Variants in NAPA observed in about 807,000 individuals in gnomAD.
NAPA encodes alpha-soluble NSF attachment protein.
Under a neutral mutation model 48.0 loss-of-function variants are expected in NAPA, and 18 were observed. The ratio of observed to expected loss-of-function variants is 0.38; its 90% CI spans 0.26 to 0.56. The LOEUF is 0.56. NAPA is among the 20% of genes least tolerant of loss of function. NAPA has a pLI of 0.77. For missense variants in NAPA, 315 were observed against 385.0 expected (o/e 0.82, Z 1.52); for synonymous variants, 152 against 149.9 (o/e 1.01, Z -0.10).
intron 3 of NAPA, chr19:47,496,118 C>T (rs2122742737): frequency 6.2e-6 from 1 of 161,242 alleles, no homozygotes; most frequent in South Asian, 1.8e-4. Context: ...GCAGCTTCTG[C>T]TCCTGCACCA....
intron 4 of NAPA, among the ~76,000 whole-genome samples, chr19:47,494,861 C>T (rs1406003478): frequency 4.6e-5 from 7 of 152,044 alleles, no homozygotes; most frequent in South Asian, 2.1e-4. Context: ...TCGTTGGCAA[C>T]GCGCCCTGGG....
At chr19:47,500,581 G>A in intron 3 of NAPA, 52 bp downstream of exon 3, 3 of 1,469,022 alleles carry the variant, frequency 2.0e-6, no homozygotes, top group Non-Finnish European at 2.8e-6. Context: ...AATGCAGGGT[G>A]CTAGGATGGC....
At chr19:47,498,421 G>A (rs969968534) in intron 3 of NAPA, among the ~76,000 whole-genome samples, 4 of 152,182 alleles carry the variant, frequency 2.6e-5, no homozygotes, top group Non-Finnish European at 5.9e-5. Flanking sequence ...ACCAGGTGCC[G>A]CGCTGGGCAT....
downstream of NAPA, among the ~76,000 whole-genome samples, chr19:47,487,444 C>G (rs566640871): frequency 2.3e-4 from 35 of 152,252 alleles, 1 homozygote; most frequent in South Asian, 7.3e-3. Context: ...ACTCCCAAGC[C>G]AGAGCTCCTC....
intron 3 of NAPA, chr19:47,497,230 C>T (rs1165489333): frequency 1.2e-5 from 2 of 173,744 alleles, no homozygotes; most frequent in Non-Finnish European, 2.5e-5. Context: ...GCCGGAACAC[C>T]CAGGACACCA....
At position 47,493,522 on chromosome 19, in the gene NAPA, G is replaced by C; in HGVS notation, c.343-29C>G. The C allele has an allele frequency of 6.2e-7, 1 of 1,605,138 alleles. No individual in the cohort carries two copies. The highest frequency in any genetic ancestry group is 1.1e-5 in the South Asian group (1 of 90,894). Reference sequence around the variant, plus strand: ...GAGGGGACACAGGAAGGGGCTGCCTGCGACTCATGACCTCCTGCGTGCCTG... The same window carrying C: ...GAGGGGACACAGGAAGGGGCTGCCTCCGACTCATGACCTCCTGCGTGCCTG... On this transcript the variant is annotated intron_variant, in intron 4 of 10. Transcript: ENST00000263354. This position sits in a 1 kb window ranked among gnomAD's most constrained non-coding sequence, Gnocchi z 6.4.
chr19:47,514,474 T>TC lies in NAPA; in HGVS notation c.98+368dup, dbSNP rs577917481. On this transcript the variant is annotated intron_variant, in intron 1 of 10. Transcript: ENST00000263354. ...TGGCTTCTCTCCCGGACTCCCTCCG[T>TC]CCCCCCAGGCCGGTCCCCTCCAAGG... Among the ~76,000 whole-genome samples the TC allele has an allele frequency of 1.4e-3, 219 of 151,554 alleles. 2 individuals carry two copies. Among genetic ancestry groups the TC allele is most frequent in the African/African-American group, 5.0e-3 (205 of 41,304 alleles).
Position 47,488,285 on chromosome 19 carries a change from G to A in NAPA, c.*3C>T. On this transcript the variant is annotated 3_prime_UTR_variant, in exon 11 of 11. Transcript: ENST00000263354. ...AGACGGGCACTGGGGGGCTGGGTGG[G>A]GCTTAGCGCAGGTCCTCCTCATCGC... 1 of 1,610,786 alleles carries A rather than the reference G, an allele frequency of 6.2e-7. No individual in the cohort carries two copies. The highest frequency in any genetic ancestry group is 8.5e-7 in the Non-Finnish European group (1 of 1,177,804).
rs778411157 is a variant in NAPA, at chr19:47,503,424, A to T, written c.177T>A (p.Ser59Arg). Residue 59 changes from serine to arginine, a missense_variant and splice_region_variant, in exon 2 of 11, where the codon AGT becomes AGA. Physicochemically the swap from Ser to Arg is moderately radical, Grantham distance 110. Transcript: ENST00000263354. Reference sequence around the variant, plus strand: ...GGAGCTCTAGCGGAGATGACATACCACTCCAGTTTTTGGCCATTTTGAACA... The same window carrying T: ...GGAGCTCTAGCGGAGATGACATACCTCTCCAGTTTTTGGCCATTTTGAACA... ...ANMFKMAKNW[S>R]AAGNAFCQAA... 6.2e-7 allele frequency: 1 copy of T among 1,612,642 alleles called. No individual in the cohort carries two copies. The highest frequency in any genetic ancestry group is 8.5e-7 in the Non-Finnish European group (1 of 1,179,054).
At position 47,506,040 on chromosome 19, in the gene NAPA, C is replaced by T. The variant is rs1367528531; in HGVS notation, c.99-2538G>A. Among the ~76,000 whole-genome samples, 1 of 150,288 alleles carries T rather than the reference C, an allele frequency of 6.7e-6. No homozygotes were observed. Among genetic ancestry groups the T allele is most frequent in the Non-Finnish European group, 1.5e-5 (1 of 67,672 alleles). On this transcript the variant is annotated intron_variant, in intron 1 of 10. Coordinates refer to ENST00000263354, the MANE Select transcript of NAPA (RefSeq NM_003827.4). This position sits in a 1 kb window ranked among gnomAD's most constrained non-coding sequence, Gnocchi z 4.0. ...GAGATGGAGTTTCGCTCTTGTCGCCCAGGCTGGAGTACAGTGGCACGATCT... is the reference window on the plus strand; with the variant it reads ...GAGATGGAGTTTCGCTCTTGTCGCCTAGGCTGGAGTACAGTGGCACGATCT...
At chr19:47,512,138 G>C (rs1474117663) in intron 1 of NAPA, among the ~76,000 whole-genome samples, 1 of 152,082 alleles carries the variant, frequency 6.6e-6, no homozygotes, top group Non-Finnish European at 1.5e-5. Flanking sequence ...GAGCACCCCA[G>C]AACTCATGTT....
At chr19:47,491,910 G>A (rs570317486) in intron 8 of NAPA, 105 bp downstream of exon 8, 1 of 998,246 alleles carries the variant, frequency 1.0e-6, no homozygotes, top group African/African-American at 1.6e-5. Flanking sequence ...GCAGGGGCCA[G>A]ACGTGAGGGA....
At chr19:47,507,827 G>T (rs894969443) in intron 1 of NAPA, among the ~76,000 whole-genome samples, 4 of 152,334 alleles carry the variant, frequency 2.6e-5, no homozygotes, top group Admixed American at 1.3e-4. Flanking sequence ...AGGCGAGGAA[G>T]CTGGGGCTCA....
At chr19:47,488,433 C>A in intron 10 of NAPA, 44 bp from the exon 11 acceptor site, 1 of 1,511,640 alleles carries the variant, frequency 6.6e-7, no homozygotes, top group South Asian at 1.1e-5. Context: ...TCCCCCCGTT[C>A]CCAACCCTGC....
At chr19:47,514,038 G>A (rs534701092) in intron 1 of NAPA, among the ~76,000 whole-genome samples, 45 of 151,446 alleles carry the variant, frequency 3.0e-4, no homozygotes, top group Non-Finnish European at 5.6e-4. Context: ...TAGTAGAGAC[G>A]GGGTTTCACC....
At position 47,488,377 on chromosome 19, in the gene NAPA, C is replaced by CGTAT. The variant is rs746339061; in HGVS notation, c.795_798dup (p.Asp267IlefsTer26). ...CACTGGTCCAGCCGGGAGATGGAGT[C>CGTAT]GTATTCCTTCACCTGAGGGCACACC... is the stretch of plus-strand genomic sequence containing the variant. On this transcript the variant is annotated frameshift_variant, in exon 11 of 11. Transcript: ENST00000263354. LOFTEE classifies it high-confidence loss of function. The CGTAT allele has an allele frequency of 6.2e-7, 1 of 1,613,100 alleles. No individual in the cohort carries two copies. The highest frequency in any genetic ancestry group is 1.1e-5 in the South Asian group (1 of 91,046).
chr19:47,502,237 C>CAAAAAA (rs55762206), intron 2 of NAPA, among the ~76,000 whole-genome samples: 37 of 62,462 alleles, frequency 5.9e-4, no homozygotes, highest in Non-Finnish European at 8.0e-4. Context: ...AAGACTGTCT[C>CAAAAAA]AAAAAAAAAA....
Position 47,492,862 on chromosome 19 carries a change from G to A in NAPA, c.561+99C>T, listed in dbSNP as rs142525735. On this transcript the variant is annotated intron_variant, in intron 7 of 10. Transcript: ENST00000263354. The stretch of plus-strand genomic sequence containing the variant: ...TCGGGGGAGAGGCAGAGGGTGAGCC[G>A]GGGGAGGGGTGGTTCCAGAACAAGG... 1.6e-3 allele frequency: 1,853 copies of A among 1,128,100 alleles called. 23 individuals carry two copies. In the African/African-American group the frequency reaches 0.026, roughly 16 times the overall value. 69.9% of individuals were successfully genotyped at this position (1,128,100 alleles called of 1,614,324 possible).
At chr19:47,488,943 C>G (rs1968165482) in intron 10 of NAPA, 1 of 151,626 alleles carries the variant, frequency 6.6e-6, no homozygotes, top group African/African-American at 2.4e-5. Flanking sequence ...GTCCAGCATC[C>G]TCACTGAATG....
Sources: allele counts gnomAD v4.1 joint callset (sites outside exome capture counted in the v4.1 genomes callset), GRCh38; gene constraint gnomAD v4.1.1; non-coding constraint Gnocchi (gnomAD v3.1); transcripts MANE v1.5; gene names NCBI Gene and HGNC (gene_info 2026-07-23, HGNC 2026-07-21).